EXD3: variants seen among roughly 807,000 people sequenced by gnomAD.
EXD3 encodes exonuclease 3'-5' domain containing 3.
Under a neutral mutation model 98.0 loss-of-function variants are expected in EXD3, and 92 were observed. That is an observed-to-expected ratio of 0.94 (90% confidence interval 0.79 to 1.12). The LOEUF (loss-of-function observed/expected upper bound fraction) is 1.12. Ranked by LOEUF, EXD3 falls within the 50% of genes most tolerant of loss-of-function variation. The probability of loss-of-function intolerance (pLI) is 0.00; values close to 1 mark genes in which losing one functional copy is unlikely to be tolerated. For missense variants in EXD3, 1,222 were observed against 1,191.6 expected (o/e 1.03, Z -0.38); for synonymous variants, 569 against 526.0 (o/e 1.08, Z -1.12).
intron 9 of EXD3, 161 bp from the exon 10 acceptor site, chr9:137,354,538 C>A: frequency 3.3e-6 from 5 of 1,535,132 alleles, no homozygotes; most frequent in Non-Finnish European, 4.4e-6. Flanking sequence ...CCCATGGCCT[C>A]CCCTTCACCC....
chr9:137,352,315 G>T (rs933253821), intron 11 of EXD3, 114 bp from the exon 12 acceptor site: 11 of 1,429,474 alleles, frequency 7.7e-6, no homozygotes, highest in Non-Finnish European at 6.7e-6. Flanking sequence ...TCAGGTCCTG[G>T]CTCCTCCTCC....
intron 1 of EXD3, among the ~76,000 whole-genome samples, chr9:137,397,690 G>A (rs1182550554): frequency 6.6e-6 from 1 of 152,194 alleles, no homozygotes; most frequent in Admixed American, 6.5e-5. Flanking sequence ...ACAGTTCAAG[G>A]AGGCCGAGTG....
At chr9:137,308,280 G>A (rs1269156583) in intron 20 of EXD3, among the ~76,000 whole-genome samples, 1 of 152,136 alleles carries the variant, frequency 6.6e-6, no homozygotes, top group Admixed American at 6.5e-5. Flanking sequence ...CAAGCATTTC[G>A]CTACAGATGG....
At chr9:137,315,685 A>G (rs1048640303) in intron 19 of EXD3, among the ~76,000 whole-genome samples, 1 of 152,040 alleles carries the variant, frequency 6.6e-6, no homozygotes, top group East Asian at 1.9e-4. Flanking sequence ...ATACTTTTTT[A>G]TATGAAAAAA....
intron 5 of EXD3, among the ~76,000 whole-genome samples, chr9:137,372,148 T>C (rs1304738901): frequency 6.6e-6 from 1 of 152,174 alleles, no homozygotes; most frequent in Non-Finnish European, 1.5e-5. Flanking sequence ...CCCACACTTC[T>C]GCGACACCAC....
intron 19 of EXD3, among the ~76,000 whole-genome samples, chr9:137,312,928 C>T (rs1401392445): frequency 7.2e-5 from 11 of 152,186 alleles, no homozygotes; most frequent in Non-Finnish European, 1.2e-4. Context: ...CTGGTGCCCA[C>T]TTGGGTGTAG....
At chr9:137,331,880 C>G (rs553810316) in intron 17 of EXD3, among the ~76,000 whole-genome samples, 1 of 152,260 alleles carries the variant, frequency 6.6e-6, no homozygotes, top group South Asian at 2.1e-4. Context: ...GGCGCCACTG[C>G]ACTCCCGCCT....
At position 137,323,787 on chromosome 9, in the gene EXD3, T is replaced by C. The variant is rs1832226608; in HGVS notation, c.2122A>G (p.Lys708Glu). The stretch of plus-strand genomic sequence containing the variant: ...ACGTTGAAATGCTTGAGCACAGCCT[T>C]GGCCTGCTGCTGGGCCTTCAGGGAG... ...DCSLKAQQQA[K>E]AVLKHFNVRV... Residue 708 changes from lysine (K) to glutamate (E), a missense_variant, in exon 19 of 22, where the codon AAG (lysine) becomes GAG (glutamate). Physicochemically the swap from Lys to Glu is moderately conservative, Grantham distance 56. Transcript: ENST00000340951. 1 of 1,612,210 alleles carries C rather than the reference T, an allele frequency of 6.2e-7. No homozygotes were observed. Among genetic ancestry groups the C allele is most frequent in the African/African-American group, 1.3e-5 (1 of 74,916 alleles).
At chr9:137,326,315 G>C (rs1343588028) in intron 17 of EXD3, among the ~76,000 whole-genome samples, 7 of 152,188 alleles carry the variant, frequency 4.6e-5, no homozygotes, top group East Asian at 1.9e-4. Context: ...TTGATATCCA[G>C]AGTATAGGAG....
chr9:137,392,950 T>C, intron 2 of EXD3: 2 of 562,646 alleles, frequency 3.6e-6, no homozygotes, highest in Non-Finnish European at 6.3e-6. Flanking sequence ...GGGCCATTAG[T>C]GTTCCAGGGG....
chr9:137,338,515 T>C (rs985580105), intron 17 of EXD3, among the ~76,000 whole-genome samples: 1 of 151,858 alleles, frequency 6.6e-6, no homozygotes. Flanking sequence ...ATTATAAAGA[T>C]AAGAACAGAA....
intron 7 of EXD3, among the ~76,000 whole-genome samples, chr9:137,357,854 GCTGAAGAACTTAGAGT>G (rs1266736278): frequency 6.6e-6 from 1 of 151,974 alleles, no homozygotes; most frequent in Admixed American, 6.6e-5. Flanking sequence ...GAGTCTCAAA[GCTGAAGAACTTAGAGT>G]CTGATGTTCG....
At chr9:137,388,967 G>A (rs1373574490) in intron 2 of EXD3, among the ~76,000 whole-genome samples, 3 of 152,106 alleles carry the variant, frequency 2.0e-5, no homozygotes, top group Non-Finnish European at 2.9e-5. Context: ...GCCAGCCCAC[G>A]GCCTCAGCTC....
intron 1 of EXD3, among the ~76,000 whole-genome samples, chr9:137,398,866 C>T (rs1402846664): frequency 3.4e-5 from 5 of 149,024 alleles, no homozygotes; most frequent in East Asian, 2.0e-4. Context: ...CACAGGCACC[C>T]GCGTCCCCGT....
chr9:137,350,295 A>G (rs1249811934), intron 14 of EXD3, among the ~76,000 whole-genome samples: 83 of 32,202 alleles, frequency 2.6e-3, no homozygotes, highest in Admixed American at 4.3e-3. Context: ...TTACGGGGAG[A>G]GAGCTAGATA....
At chr9:137,339,223 A>G in intron 17 of EXD3, among the ~76,000 whole-genome samples, 1 of 152,184 alleles carries the variant, frequency 6.6e-6, no homozygotes, top group East Asian at 1.9e-4. Context: ...GAAGTGAGCC[A>G]GTTTCAGGAG....
Position 137,372,957 on chromosome 9 carries a change from C to T in EXD3, c.410G>A (p.Ser137Asn), listed in dbSNP as rs759896996. ...SIFQLQDADR[S>N]CLLAHVHRLH... The stretch of plus-strand genomic sequence containing the variant: ...GCGGTGGACGTGTGCCAGCAGGCAG[C>T]TCCTGTCTGCATCCTGCAGCTGGAA... Residue 137 changes from serine (S) to asparagine (N), a missense_variant, in exon 5 of 22, where the codon AGC becomes AAC. Ser to Asn is a conservative substitution (Grantham distance 46). Transcript: ENST00000340951. The T allele has an allele frequency of 1.2e-6, 2 of 1,602,720 alleles. No individual in the cohort carries two copies. Among genetic ancestry groups the T allele is most frequent in the African/African-American group, 1.3e-5 (1 of 74,940 alleles).
rs574907910 is a variant in EXD3 at position 137,398,684 on chromosome 9, A to G, written c.-47-3280T>C. On this transcript the variant is annotated intron_variant, in intron 1 of 21. Transcript: ENST00000340951. The stretch of plus-strand genomic sequence containing the variant: ...AGGCGACCGCGTCCCCAAGACACAC[A>G]GGCACCCACGTCCCCGTGACACACG... Among the ~76,000 whole-genome samples the G allele has an allele frequency of 3.7e-5, 5 of 135,108 alleles. No individual in the cohort carries two copies. The South Asian group carries it at 7.5e-4, about 20-fold the overall frequency. 88.6% of individuals were successfully genotyped at this position (135,108 alleles called of 152,430 possible).
At chr9:137,325,069 A>G (rs559737623) in intron 17 of EXD3, among the ~76,000 whole-genome samples, 41 of 152,282 alleles carry the variant, frequency 2.7e-4, no homozygotes, top group African/African-American at 8.9e-4. Flanking sequence ...GATGTATGTT[A>G]TATATATTTT....
Sources: gnomAD v4.1 joint callset for allele counts (sites outside exome capture counted in the v4.1 genomes callset) on GRCh38, gnomAD v4.1.1 for gene constraint, MANE v1.5 for transcripts, NCBI Gene and HGNC (gene_info 2026-07-23, HGNC 2026-07-21) for gene names.